Variants in CNTNAP3 observed in about 807,000 individuals in gnomAD.
CNTNAP3 encodes contactin associated protein family member 3.
In CNTNAP3, 36 loss-of-function variants were observed where a neutral mutation model predicts 92.1. The observed-to-expected ratio is 0.39, with a 90% confidence interval of 0.30 to 0.52. The LOEUF is 0.52. CNTNAP3 is among the 20% of genes least tolerant of loss of function. The pLI, the probability that CNTNAP3 is intolerant of heterozygous loss-of-function variation, is 0.76. For synonymous variants in CNTNAP3, 232 were observed against 422.3 expected (o/e 0.55, Z 5.53); for missense variants, 534 against 1,069.6 (o/e 0.50, Z 6.98).
intron 14 of CNTNAP3, among the ~76,000 whole-genome samples, chr9:39,112,819 G>T (rs1022852897): frequency 6.6e-6 from 1 of 152,104 alleles, no homozygotes; most frequent in Admixed American, 6.5e-5. Context: ...CAGCAATACA[G>T]TATGTCTTGA....
rs1188964475 is a variant in CNTNAP3 at position 39,151,398 on chromosome 9, CA to C, written c.1478-1422del. 4.3e-5 allele frequency among the ~76,000 whole-genome samples: 6 copies of C among 140,424 alleles called. 1 individual carries two copies. The highest frequency in any genetic ancestry group is 4.8e-4 in the South Asian group (2 of 4,158). The allele number at this position is 140,424 out of a possible 152,430, so 92.1% of individuals were successfully genotyped here. On this transcript the variant is annotated intron_variant, in intron 9 of 23. Transcript: ENST00000297668. ...TGAAACCCCGTCTCTACTAAAAATACAAAAAAAAATTAGCTGGGCGTGGTGG... is the reference window on the plus strand; with the variant it reads ...TGAAACCCCGTCTCTACTAAAAATACAAAAAAAATTAGCTGGGCGTGGTGG...
intron 15 of CNTNAP3, among the ~76,000 whole-genome samples, chr9:39,104,721 C>A (rs1157646625): frequency 6.6e-6 from 1 of 152,032 alleles, no homozygotes; most frequent in Non-Finnish European, 1.5e-5. Context: ...AGTTGACTTG[C>A]AGAATGTTCC....
At chr9:39,098,902 A>G (rs1426006122) in intron 18 of CNTNAP3, among the ~76,000 whole-genome samples, 1 of 152,098 alleles carries the variant, frequency 6.6e-6, no homozygotes, top group Non-Finnish European at 1.5e-5. Context: ...GAGGTTTCAT[A>G]AAAGTATTAT....
chr9:39,128,420 GT>G, intron 13 of CNTNAP3, among the ~76,000 whole-genome samples: 1 of 152,000 alleles, frequency 6.6e-6, no homozygotes, highest in South Asian at 2.1e-4. Flanking sequence ...AGTTGCTCTA[GT>G]TATGCAAAGC....
At chr9:39,136,003 C>T (rs191630400) in intron 12 of CNTNAP3, among the ~76,000 whole-genome samples, 6 of 151,950 alleles carry the variant, frequency 3.9e-5, no homozygotes, top group African/African-American at 1.4e-4. Context: ...GTGGCACGTG[C>T]CTGTAGTCCC....
At position 39,099,831 on chromosome 9, in the gene CNTNAP3, A is replaced by G. The variant is rs1173153750; in HGVS notation, c.2995+80T>C. On this transcript the variant is annotated intron_variant, in intron 18 of 23. Coordinates refer to ENST00000297668, the MANE Select transcript of CNTNAP3 (RefSeq NM_033655.5). ...AATTCAATCTTATCCTCTCTTTATA[A>G]TATCAAATGCCAGAAGCATTCTTCA... 3.2e-6 allele frequency: 5 copies of G among 1,548,250 alleles called. No homozygotes were observed. The East Asian group carries it at 9.6e-5, about 30-fold the overall frequency.
chr9:39,096,601 A>C (rs1277200014), intron 18 of CNTNAP3, among the ~76,000 whole-genome samples: 2 of 150,394 alleles, frequency 1.3e-5, no homozygotes, highest in Admixed American at 1.3e-4. Context: ...TATACAATAA[A>C]TTATTGTTAA....
chr9:39,110,761 T>C (rs1826726615), intron 14 of CNTNAP3, among the ~76,000 whole-genome samples: 2 of 152,288 alleles, frequency 1.3e-5, no homozygotes, highest in South Asian at 4.1e-4. Flanking sequence ...CAATAATAAA[T>C]ATTGCATATA....
chr9:39,086,814 G>A lies in CNTNAP3; in HGVS notation c.3256C>T (p.Gln1086Ter), dbSNP rs1409524596. 6.2e-7 allele frequency: 1 copy of A among 1,609,910 alleles called. No homozygotes were observed. Among genetic ancestry groups the A allele is most frequent in the African/African-American group, 1.3e-5 (1 of 74,324 alleles). ...TCAAAGGTAAATGCATCAGGATTTT[G>A]ATGTCTATCTAGCTTGTACCTAATC... is the stretch of plus-strand genomic sequence containing the variant. Reference protein sequence around the residue: ...LQIRYKLDRHQNPDAFTFDFK... With the variant: ...LQIRYKLDRH The change falls in exon 20 of 24, where the codon CAA (glutamine) becomes TAA (stop). Residue 1086 changes from glutamine to a stop codon, truncating the protein, a stop_gained. Coordinates refer to ENST00000297668, the MANE Select transcript of CNTNAP3 (RefSeq NM_033655.5). LOFTEE classifies it high-confidence loss of function.
At chr9:39,089,720 CATTT>C (rs1011286400) in intron 18 of CNTNAP3, among the ~76,000 whole-genome samples, 3 of 152,106 alleles carry the variant, frequency 2.0e-5, no homozygotes, top group African/African-American at 7.2e-5. Flanking sequence ...TCCTCACCAA[CATTT>C]ATTATTATCT....
chr9:39,113,838 A>G (rs1820777095), intron 14 of CNTNAP3, among the ~76,000 whole-genome samples: 1 of 151,252 alleles, frequency 6.6e-6, no homozygotes, highest in Non-Finnish European at 1.5e-5. Context: ...TGCTATATCA[A>G]GTTTGTTAAT....
chr9:39,121,920 A>C (rs1430264868), intron 13 of CNTNAP3, among the ~76,000 whole-genome samples: 1 of 152,100 alleles, frequency 6.6e-6, no homozygotes, highest in Non-Finnish European at 1.5e-5. Context: ...TAAACCACCT[A>C]GGGGAATGGA....
intron 14 of CNTNAP3, among the ~76,000 whole-genome samples, chr9:39,111,605 T>G (rs1563881478): frequency 6.6e-6 from 1 of 152,302 alleles, no homozygotes; most frequent in Admixed American, 6.5e-5. Flanking sequence ...TCTAGGAAAT[T>G]TTTTATTAAT....
At chr9:39,084,397 T>C (rs543209825) in intron 21 of CNTNAP3, among the ~76,000 whole-genome samples, 3 of 152,032 alleles carry the variant, frequency 2.0e-5, no homozygotes, top group South Asian at 4.2e-4. Context: ...GGTTTCACCG[T>C]GTTAGCCAGG....
chr9:39,103,137 C>T (rs1312805329), intron 16 of CNTNAP3, among the ~76,000 whole-genome samples: 1 of 152,360 alleles, frequency 6.6e-6, no homozygotes, highest in Non-Finnish European at 1.5e-5. Context: ...ACATAAAAAA[C>T]AATATGTCTG....
intron 11 of CNTNAP3, among the ~76,000 whole-genome samples, chr9:39,141,694 G>A (rs1821578361): frequency 6.6e-6 from 1 of 152,110 alleles, no homozygotes; most frequent in East Asian, 1.9e-4. Context: ...ACATATATTT[G>A]TATATGTCTG....
chr9:39,065,779 TC>T lies in CNTNAP3; in HGVS notation c.*8110del, dbSNP rs1825496752. 6.6e-6 allele frequency among the ~76,000 whole-genome samples: 1 copy of T among 152,246 alleles called. No homozygotes were observed. Among genetic ancestry groups the T allele is most frequent in the African/African-American group, 2.4e-5 (1 of 41,474 alleles). On this transcript the variant is annotated 3_prime_UTR_variant, in exon 24 of 24. Coordinates refer to ENST00000297668, the MANE Select transcript of CNTNAP3 (RefSeq NM_033655.5). The stretch of plus-strand genomic sequence containing the variant: ...TGGCCTAGCACTTTTCGTCATTTTT[TC>T]TTATATTCATTATTTTCATTTTATT...
intron 18 of CNTNAP3, among the ~76,000 whole-genome samples, chr9:39,091,791 T>C (rs1414494435): frequency 1.3e-5 from 2 of 151,890 alleles, no homozygotes; most frequent in African/African-American, 4.8e-5. Context: ...ATTTAAATAG[T>C]TGATATATTT....
intron 13 of CNTNAP3, among the ~76,000 whole-genome samples, chr9:39,126,361 A>G (rs539254392): frequency 6.6e-6 from 1 of 152,318 alleles, no homozygotes; most frequent in East Asian, 1.9e-4. Flanking sequence ...GGTGAGTTCT[A>G]TCAACACTGG....
Sources: gnomAD v4.1 joint callset for allele counts (sites outside exome capture counted in the v4.1 genomes callset) on GRCh38, gnomAD v4.1.1 for gene constraint, MANE v1.5 for transcripts, NCBI Gene and HGNC (gene_info 2026-07-23, HGNC 2026-07-21) for gene names.